PCDHA6: variants seen among roughly 807,000 people sequenced by gnomAD.
PCDHA6 encodes protocadherin alpha 6.
Under a neutral mutation model 60.3 loss-of-function variants are expected in PCDHA6, and 55 were observed. That is an observed-to-expected ratio of 0.91 (90% CI 0.73 to 1.14). The LOEUF (loss-of-function observed/expected upper bound fraction) is 1.14, where lower values mean the gene tolerates loss of function less well. PCDHA6 is among the 50% of genes most tolerant of loss of function. The pLI is 0.00. For synonymous variants in PCDHA6, 652 were observed against 557.9 expected (o/e 1.17, Z -2.38); for missense variants, 1,327 against 1,256.5 (o/e 1.06, Z -0.85).
rs2150273023 is a variant in PCDHA6, at chr5:140,837,088, T to C, written c.2394+6603T>C. On this transcript the variant is annotated intron_variant, in intron 1 of 3. Transcript: ENST00000529310. Reference sequence around the variant, plus strand: ...TGATAATCAATACCTATAAATGTTATAGTAAACAAATTTAATATATATGTT... The same window carrying C: ...TGATAATCAATACCTATAAATGTTACAGTAAACAAATTTAATATATATGTT... 8 of 165,626 alleles carry C rather than the reference T, an allele frequency of 4.8e-5. 1 individual carries two copies. Among genetic ancestry groups the C allele is most frequent in the Non-Finnish European group, 1.0e-4 (8 of 77,090 alleles). 10.3% of individuals were successfully genotyped at this position (165,626 alleles called of 1,614,324 possible).
chr5:140,971,509 A>C (rs1369392741), intron 1 of PCDHA6, among the ~76,000 whole-genome samples: 4 of 152,112 alleles, frequency 2.6e-5, no homozygotes, highest in Admixed American at 2.0e-4. Flanking sequence ...ATAGGAGCAA[A>C]AGCCACTCAG....
intron 1 of PCDHA6, among the ~76,000 whole-genome samples, chr5:140,874,504 C>A (rs2054953142): frequency 6.6e-6 from 1 of 152,198 alleles, no homozygotes; most frequent in Admixed American, 6.5e-5. Flanking sequence ...AGTTCACATT[C>A]TCTTGACTTT....
At chr5:140,937,402 CACA>C (rs1329840101) in intron 1 of PCDHA6, among the ~76,000 whole-genome samples, 1 of 152,034 alleles carries the variant, frequency 6.6e-6, no homozygotes, top group African/African-American at 2.4e-5. Flanking sequence ...AGGGGTATTG[CACA>C]ACTTTTATTA....
chr5:140,902,024 C>T (rs1554190174), intron 1 of PCDHA6, among the ~76,000 whole-genome samples: 5 of 152,016 alleles, frequency 3.3e-5, no homozygotes, highest in Non-Finnish European at 1.5e-5. Flanking sequence ...TATAGAAATA[C>T]TACTAATTTT....
chr5:140,836,128 C>T (rs2150253454), intron 1 of PCDHA6: 10 of 1,613,624 alleles, frequency 6.2e-6, no homozygotes, highest in South Asian at 1.1e-5. Flanking sequence ...GAGCTTGTGC[C>T]GCGGTCTGTG....
intron 1 of PCDHA6, among the ~76,000 whole-genome samples, chr5:140,951,147 AATATAGT>A (rs1554219760): frequency 9.9e-6 from 1 of 100,716 alleles, no homozygotes; most frequent in African/African-American, 4.8e-5. Flanking sequence ...TATCTTATTG[AATATAGT>A]TATAGTAGCT....
intron 1 of PCDHA6, chr5:140,882,638 A>G (rs2059233239): frequency 5.0e-6 from 8 of 1,614,116 alleles, no homozygotes; most frequent in African/African-American, 1.3e-5. Context: ...GGTGAAGGTG[A>G]GGGACATTAA....
chr5:140,836,323 T>G (rs1408397134), intron 1 of PCDHA6: 1 of 1,613,592 alleles, frequency 6.2e-7, no homozygotes, highest in East Asian at 2.2e-5. Flanking sequence ...CGCCACCGCC[T>G]TCTGGTGCTT....
intron 1 of PCDHA6, among the ~76,000 whole-genome samples, chr5:140,923,822 T>C (rs1377526546): frequency 6.6e-6 from 1 of 152,156 alleles, no homozygotes; most frequent in Non-Finnish European, 1.5e-5. Flanking sequence ...AAAATAGACG[T>C]CAGTGGCAGT....
chr5:140,853,932 G>C, intron 1 of PCDHA6: 6 of 869,474 alleles, frequency 6.9e-6, no homozygotes, highest in Non-Finnish European at 8.4e-6. Flanking sequence ...ATTTTGGGAG[G>C]CCAAGGTGGG....
chr5:140,860,649 A>T (rs1256237065), intron 1 of PCDHA6: 2 of 152,282 alleles, frequency 1.3e-5, no homozygotes, highest in Non-Finnish European at 2.9e-5. Context: ...GAAGAAGATA[A>T]GTGAAATAAT....
At chr5:140,889,414 C>T (rs1014981678) in intron 1 of PCDHA6, among the ~76,000 whole-genome samples, 3 of 151,934 alleles carry the variant, frequency 2.0e-5, no homozygotes, top group Admixed American at 6.6e-5. Flanking sequence ...GAGTCAGTTA[C>T]GTAGATAATA....
At chr5:140,841,762 G>A in intron 1 of PCDHA6, 1 of 1,613,914 alleles carries the variant, frequency 6.2e-7, no homozygotes, top group Non-Finnish European at 8.5e-7. Context: ...AATCCAGAAT[G>A]CCAGACTCTC....
In PCDHA6 at chr5:140,858,243, C is replaced by T. The variant is rs781796341; in HGVS notation, c.2394+27758C>T. On this transcript the variant is annotated intron_variant, in intron 1 of 3. Transcript: ENST00000529310. ...GCGCCCACCGAGGGCGCATGTGGGC[C>T]GGTGAAGCCCACGCTGGTGTGCTCT... The T allele has an allele frequency of 6.9e-6, 11 of 1,595,896 alleles. No homozygotes were observed. The highest frequency in any genetic ancestry group is 6.9e-6 in the Non-Finnish European group (8 of 1,165,828).
chr5:140,834,178 C>A, intron 1 of PCDHA6: 1 of 557,362 alleles, frequency 1.8e-6, no homozygotes, highest in Non-Finnish European at 3.1e-6. Context: ...ACATGATGGC[C>A]ACATGATGTC....
intron 1 of PCDHA6, among the ~76,000 whole-genome samples, chr5:140,886,851 AG>A (rs2061199020): frequency 6.6e-6 from 1 of 151,608 alleles, no homozygotes; most frequent in South Asian, 2.1e-4. Context: ...AAAAAAAGAA[AG>A]GTCTTCCCAA....
At chr5:140,831,720 G>C (rs1771679681) in intron 1 of PCDHA6, among the ~76,000 whole-genome samples, 1 of 151,962 alleles carries the variant, frequency 6.6e-6, no homozygotes, top group Non-Finnish European at 1.5e-5. Context: ...GTGAGTTTTG[G>C]TGTTATCCTC....
chr5:140,830,231 A>G lies in PCDHA6; in HGVS notation c.2140A>G (p.Thr714Ala), dbSNP rs1770914153. ...ICAVSSLLVL[T>A]LLLYTALRCS... The stretch of plus-strand genomic sequence containing the variant: ...CGCGGTATCCAGCCTGCTGGTCCTC[A>G]CGCTACTGCTGTACACAGCGCTGCG... Residue 714 changes from threonine (T) to alanine (A), a missense_variant, in exon 1 of 4, where the codon ACG (threonine) becomes GCG (alanine). Thr to Ala is a moderately conservative substitution (Grantham distance 58). Coordinates refer to ENST00000529310, the MANE Select transcript of PCDHA6 (RefSeq NM_018909.4). 6.2e-7 allele frequency: 1 copy of G among 1,613,696 alleles called. No individual in the cohort carries two copies. The highest frequency in any genetic ancestry group is 1.7e-5 in the Admixed American group (1 of 60,004).
At chr5:140,848,624 C>T in intron 1 of PCDHA6, 2 of 1,593,432 alleles carry the variant, frequency 1.3e-6, no homozygotes, top group South Asian at 2.2e-5. Context: ...AACACGGCAC[C>T]TTCGTGGGCC....
Sources: gnomAD v4.1 joint callset for allele counts (sites outside exome capture counted in the v4.1 genomes callset) on GRCh38, gnomAD v4.1.1 for gene constraint, MANE v1.5 for transcripts, NCBI Gene and HGNC (gene_info 2026-07-23, HGNC 2026-07-21) for gene names.